Variants in CACNA2D3 observed in about 807,000 individuals in gnomAD.
CACNA2D3 encodes calcium voltage-gated channel auxiliary subunit alpha2delta 3.
A neutral mutation model predicts 160.6 loss-of-function variants in CACNA2D3; 60 were observed. The ratio of observed to expected loss-of-function variants is 0.37; its 90% CI spans 0.30 to 0.46. The LOEUF (loss-of-function observed/expected upper bound fraction) is 0.46. Among genes scored for constraint, CACNA2D3 ranks in the 20% least tolerant of loss-of-function variants. CACNA2D3 has a pLI of 1.00. For missense variants in CACNA2D3, 1,205 were observed against 1,365.0 expected, an observed-to-expected ratio of 0.88 and a Z score of 1.85; for synonymous variants, 558 against 492.9, an observed-to-expected ratio of 1.13 and a Z score of -1.75.
chr3:54,566,663 A>G (rs1046037729), intron 6 of CACNA2D3, among the ~76,000 whole-genome samples: 2 of 152,230 alleles, frequency 1.3e-5, no homozygotes, highest in African/African-American at 4.8e-5. Flanking sequence ...ATGCATGATT[A>G]TAAGAAGCCC....
chr3:54,190,815 G>A (rs4076709), intron 2 of CACNA2D3, among the ~76,000 whole-genome samples: 5,754 of 152,236 alleles, frequency 0.038, 148 homozygotes, highest in South Asian at 0.091. Context: ...GGGTGTTGGG[G>A]TCTGTAGAGC....
intron 27 of CACNA2D3, among the ~76,000 whole-genome samples, chr3:54,937,700 C>G (rs1298738187): frequency 6.6e-6 from 1 of 152,080 alleles, no homozygotes; most frequent in East Asian, 1.9e-4. Context: ...ATCTGAAGTA[C>G]TAGCCAGAAT....
chr3:54,802,903 A>C (rs972131450), intron 13 of CACNA2D3, among the ~76,000 whole-genome samples: 1 of 152,196 alleles, frequency 6.6e-6, no homozygotes, highest in African/African-American at 2.4e-5. Flanking sequence ...GCGATTCACG[A>C]AAGTCCGCTG....
chr3:54,709,270 G>T (rs1452828598), intron 11 of CACNA2D3, among the ~76,000 whole-genome samples: 3 of 151,566 alleles, frequency 2.0e-5, no homozygotes, highest in Non-Finnish European at 4.4e-5. Context: ...CTGCCTTGGC[G>T]TCCCAAAGTG....
At chr3:54,301,774 C>T (rs55777513) in intron 2 of CACNA2D3, among the ~76,000 whole-genome samples, 36,401 of 152,002 alleles carry the variant, frequency 0.24, 4,564 homozygotes, top group South Asian at 0.34. Flanking sequence ...CCAGATTTCT[C>T]TGGGAGGGAG....
chr3:54,584,444 G>T lies in CACNA2D3; in HGVS notation c.963+2567G>T, dbSNP rs558268120. On this transcript the variant is annotated intron_variant, in intron 9 of 37. Transcript: ENST00000474759. ...GTGAAGATGACAGCAGATAAAATCA[G>T]TGAATTTCAGGACAGATCAATAGCA... Among the ~76,000 whole-genome samples the T allele has an allele frequency of 9.2e-5, 14 of 152,254 alleles. 1 individual carries two copies. The East Asian group carries it at 2.7e-3, about 29-fold the overall frequency.
intron 4 of CACNA2D3, among the ~76,000 whole-genome samples, chr3:54,480,672 T>C (rs961163850): frequency 2.0e-5 from 3 of 152,168 alleles, no homozygotes; most frequent in African/African-American, 7.2e-5. Context: ...CCTTCCTCCT[T>C]CTAGAGATAT....
intron 13 of CACNA2D3, among the ~76,000 whole-genome samples, chr3:54,805,769 A>G (rs1703105911): frequency 6.6e-6 from 1 of 152,236 alleles, no homozygotes; most frequent in South Asian, 2.1e-4. Flanking sequence ...TTTTAGACCA[A>G]TATCCTTGAT....
chr3:54,537,833 C>T (rs143586781), intron 5 of CACNA2D3, among the ~76,000 whole-genome samples: 32 of 152,146 alleles, frequency 2.1e-4, no homozygotes, highest in African/African-American at 7.7e-4. Flanking sequence ...CTGAGCTGGG[C>T]ACCATGTCTG....
chr3:54,501,167 C>T lies in CACNA2D3; in HGVS notation c.382-2325C>T, dbSNP rs554146428. 4.6e-5 allele frequency among the ~76,000 whole-genome samples: 7 copies of T among 152,202 alleles called. No individual in the cohort carries two copies. The South Asian group carries it at 1.5e-3, about 32-fold the overall frequency. ...CATGGCCTATTCATCTCTTAATGAC[C>T]ACACCACTTATTACTGTCACATTGG... On this transcript the variant is annotated intron_variant, in intron 4 of 37. Coordinates refer to ENST00000474759, the MANE Select transcript of CACNA2D3 (RefSeq NM_018398.3).
intron 35 of CACNA2D3, among the ~76,000 whole-genome samples, chr3:55,033,862 TA>T (rs5849068): frequency 0.019 from 1,740 of 91,368 alleles, 178 homozygotes; most frequent in African/African-American, 0.029. Context: ...TAAATATATT[TA>T]ATATATAATA....
At chr3:54,735,427 G>C (rs745465592) in intron 11 of CACNA2D3, among the ~76,000 whole-genome samples, 5 of 152,172 alleles carry the variant, frequency 3.3e-5, no homozygotes, top group Non-Finnish European at 7.3e-5. Flanking sequence ...AATGAAGGTT[G>C]AAGTCCCTTG....
intron 9 of CACNA2D3, among the ~76,000 whole-genome samples, chr3:54,611,141 T>A (rs1370862888): frequency 6.6e-6 from 1 of 152,202 alleles, no homozygotes; most frequent in Admixed American, 6.5e-5. Context: ...TGAGAGTTTG[T>A]GTCAAAGTCA....
chr3:54,969,262 CT>C (rs66688757), intron 28 of CACNA2D3, among the ~76,000 whole-genome samples: 2,931 of 134,592 alleles, frequency 0.022, 63 homozygotes, highest in African/African-American at 0.073. Flanking sequence ...ATAAAGTAGA[CT>C]TTTTTTTTTT....
At chr3:54,366,202 A>G (rs1485971103) in intron 3 of CACNA2D3, among the ~76,000 whole-genome samples, 1 of 152,068 alleles carries the variant, frequency 6.6e-6, no homozygotes, top group African/African-American at 2.4e-5. Context: ...GGAGCAGGGG[A>G]TATTTGATTA....
chr3:54,617,117 C>T (rs1338883689), intron 9 of CACNA2D3, among the ~76,000 whole-genome samples: 1 of 152,180 alleles, frequency 6.6e-6, no homozygotes, highest in Non-Finnish European at 1.5e-5. Context: ...TGTCTGCCCC[C>T]ACATGCTGCT....
chr3:54,996,281 G>T (rs2107123805), intron 31 of CACNA2D3, among the ~76,000 whole-genome samples: 1 of 152,308 alleles, frequency 6.6e-6, no homozygotes, highest in South Asian at 2.1e-4. Context: ...GCAGAATTCA[G>T]CTTTTTCCTT....
chr3:54,218,621 C>T (rs1701506591), intron 2 of CACNA2D3, among the ~76,000 whole-genome samples: 1 of 152,192 alleles, frequency 6.6e-6, no homozygotes, highest in Admixed American at 6.5e-5. Context: ...TTTCTTTTTG[C>T]TGCTGTAACA....
At chr3:54,755,036 G>A (rs1046305066) in intron 12 of CACNA2D3, among the ~76,000 whole-genome samples, 4 of 152,118 alleles carry the variant, frequency 2.6e-5, no homozygotes, top group Non-Finnish European at 4.4e-5. Context: ...TAGACCTTCC[G>A]TACTATGGCA....
Sources: gnomAD v4.1 joint callset for allele counts (sites outside exome capture counted in the v4.1 genomes callset) on GRCh38, gnomAD v4.1.1 for gene constraint, MANE v1.5 for transcripts, NCBI Gene and HGNC (gene_info 2026-07-23, HGNC 2026-07-21) for gene names.